Variants in CDH12 observed in about 807,000 individuals in gnomAD.
CDH12 encodes the protein cadherin-12.
In CDH12, 41 loss-of-function variants were observed where a neutral mutation model predicts 74.1. The ratio of observed to expected loss-of-function variants is 0.55; its 90% CI spans 0.43 to 0.72. The LOEUF (loss-of-function observed/expected upper bound fraction) is 0.72, where lower values mean the gene tolerates loss of function less well. Among genes scored for constraint, CDH12 ranks in the 30% least tolerant of loss-of-function variants. The pLI, the probability that CDH12 is intolerant of heterozygous loss-of-function variation, is 0.00. For synonymous variants in CDH12, 399 were observed against 355.0 expected (o/e 1.12, Z -1.39); for missense variants, 945 against 977.2 (o/e 0.97, Z 0.44).
intron 2 of CDH12, among the ~76,000 whole-genome samples, chr5:22,414,236 C>T (rs150670180): frequency 1.4e-4 from 22 of 151,988 alleles, no homozygotes; most frequent in African/African-American, 4.8e-4. Context: ...TACATGAATT[C>T]AATTTGTCCA....
chr5:21,833,038 T>TATATAATATGTTATGTAAC (rs1749176113), intron 8 of CDH12, among the ~76,000 whole-genome samples: 1 of 67,174 alleles, frequency 1.5e-5, no homozygotes, highest in Non-Finnish European at 2.5e-5. Flanking sequence ...TAATATATAA[T>TATATAATATGTTATGTAAC]ATATAATATA....
chr5:22,738,651 G>T (rs1435421935), intron 1 of CDH12, among the ~76,000 whole-genome samples: 3 of 151,964 alleles, frequency 2.0e-5, no homozygotes, highest in Non-Finnish European at 4.4e-5. Flanking sequence ...GTTTAAAAAT[G>T]TCATAATTCA....
At chr5:21,885,300 C>T (rs2150037828) in intron 6 of CDH12, among the ~76,000 whole-genome samples, 1 of 152,298 alleles carries the variant, frequency 6.6e-6, no homozygotes, top group Non-Finnish European at 1.5e-5. Context: ...GCAAGTGAGG[C>T]TATCTGTAAT....
At chr5:22,702,919 C>A (rs1388153108) in intron 1 of CDH12, among the ~76,000 whole-genome samples, 1 of 152,042 alleles carries the variant, frequency 6.6e-6, no homozygotes, top group Non-Finnish European at 1.5e-5. Flanking sequence ...AGTAAATAAA[C>A]TAACTTTTCT....
chr5:21,911,865 C>A (rs370083725), intron 6 of CDH12, among the ~76,000 whole-genome samples: 4 of 151,800 alleles, frequency 2.6e-5, no homozygotes. Flanking sequence ...TTTGTTTTCC[C>A]ATTAAAAAGT....
At chr5:22,485,743 T>G (rs1746565381) in intron 2 of CDH12, among the ~76,000 whole-genome samples, 1 of 152,208 alleles carries the variant, frequency 6.6e-6, no homozygotes, top group Non-Finnish European at 1.5e-5. Flanking sequence ...AAGAAATTGT[T>G]TTATGATTTT....
At chr5:22,296,743 C>G (rs1489173181) in intron 3 of CDH12, among the ~76,000 whole-genome samples, 1 of 152,130 alleles carries the variant, frequency 6.6e-6, no homozygotes, top group African/African-American at 2.4e-5. Flanking sequence ...AAGCGTGAAG[C>G]TGGCTCTGGT....
chr5:22,507,101 T>C (rs1269055338), intron 1 of CDH12, among the ~76,000 whole-genome samples: 1 of 152,078 alleles, frequency 6.6e-6, no homozygotes, highest in African/African-American at 2.4e-5. Context: ...TCTACTAAAG[T>C]TCATTACGCT....
intron 5 of CDH12, among the ~76,000 whole-genome samples, chr5:22,023,577 C>CTT (rs1186675387): frequency 6.7e-6 from 1 of 148,976 alleles, no homozygotes; most frequent in African/African-American, 2.6e-5. Flanking sequence ...TATTCTCTCT[C>CTT]TCTATATATA....
chr5:21,839,335 C>G (rs1749712753), intron 8 of CDH12, among the ~76,000 whole-genome samples: 1 of 152,024 alleles, frequency 6.6e-6, no homozygotes, highest in South Asian at 2.1e-4. Context: ...AGCCATTTGT[C>G]AGATACATTT....
chr5:22,261,357 T>G (rs1414052166), intron 3 of CDH12, among the ~76,000 whole-genome samples: 1 of 152,028 alleles, frequency 6.6e-6, no homozygotes, highest in Non-Finnish European at 1.5e-5. Flanking sequence ...TATTTTCAGC[T>G]TTCCCCACCC....
At chr5:22,326,811 T>A (rs1739128018) in intron 3 of CDH12, among the ~76,000 whole-genome samples, 1 of 152,222 alleles carries the variant, frequency 6.6e-6, no homozygotes, top group Admixed American at 6.5e-5. Context: ...TGGCAAGGTT[T>A]AATACTTCAA....
chr5:21,770,170 A>G (rs1027453931), intron 11 of CDH12, among the ~76,000 whole-genome samples: 2 of 152,162 alleles, frequency 1.3e-5, no homozygotes, highest in African/African-American at 4.8e-5. Flanking sequence ...TTAAAATTGT[A>G]CCTCGTAGAT....
intron 5 of CDH12, among the ~76,000 whole-genome samples, chr5:22,033,850 T>C (rs543350321): frequency 3.9e-5 from 6 of 152,306 alleles, no homozygotes; most frequent in African/African-American, 1.4e-4. Flanking sequence ...CAGAGCCCTG[T>C]ACTCTCCCTC....
chr5:22,517,426 A>C (rs1424667846), intron 1 of CDH12, among the ~76,000 whole-genome samples: 1 of 152,170 alleles, frequency 6.6e-6, no homozygotes, highest in African/African-American at 2.4e-5. Context: ...CATCATATTT[A>C]CCTGAAAATA....
At chr5:22,712,841 TA>T (rs755897074) in intron 1 of CDH12, among the ~76,000 whole-genome samples, 9 of 152,112 alleles carry the variant, frequency 5.9e-5, no homozygotes, top group Non-Finnish European at 1.0e-4. Context: ...AAATAAAAAA[TA>T]TACTGCCTCT....
chr5:22,678,274 T>A lies in CDH12; in HGVS notation c.-522-172910A>T, dbSNP rs184148650. On this transcript the variant is annotated intron_variant, in intron 1 of 14. Transcript: ENST00000382254. Reference sequence around the variant, plus strand: ...ACAGGAGCATGTTCTATACACACAATTTTTCTTTGGAGTGTTTGTAGCAAA... The same window carrying A: ...ACAGGAGCATGTTCTATACACACAAATTTTCTTTGGAGTGTTTGTAGCAAA... 6.1e-3 allele frequency among the ~76,000 whole-genome samples: 932 copies of A among 152,204 alleles called. 7 individuals are homozygous for A. The highest frequency in any genetic ancestry group is 0.027 in the Middle Eastern group (8 of 294).
intron 3 of CDH12, among the ~76,000 whole-genome samples, chr5:22,338,384 C>T (rs913013992): frequency 2.0e-5 from 3 of 151,536 alleles, no homozygotes; most frequent in Non-Finnish European, 2.9e-5. Context: ...ACGATTGAAC[C>T]CATGGAGAAA....
At chr5:22,844,944 C>A (rs1737233443) in intron 1 of CDH12, among the ~76,000 whole-genome samples, 1 of 152,090 alleles carries the variant, frequency 6.6e-6, no homozygotes, top group African/African-American at 2.4e-5. Flanking sequence ...AATACTGATT[C>A]TTCTCTGTTC....
Sources: gnomAD v4.1 joint callset for allele counts (sites outside exome capture counted in the v4.1 genomes callset) on GRCh38, gnomAD v4.1.1 for gene constraint, MANE v1.5 for transcripts, NCBI Gene and HGNC (gene_info 2026-07-23, HGNC 2026-07-21) for gene names.